The following ZNF248 variants were observed in gnomAD, a reference collection of about 807,000 sequenced individuals.
The protein encoded by ZNF248 is zinc finger protein 248, also known as KRAB protein domain.
Under a neutral mutation model 44.3 loss-of-function variants are expected in ZNF248, and 20 were observed. That is an observed-to-expected ratio of 0.45 (90% CI 0.32 to 0.66). The LOEUF is 0.66. ZNF248 is among the 30% of genes least tolerant of loss of function. ZNF248 has a pLI of 0.04. For synonymous variants in ZNF248, 224 were observed against 229.0 expected, an observed-to-expected ratio of 0.98 and a Z score of 0.20; for missense variants, 654 against 677.0, an observed-to-expected ratio of 0.97 and a Z score of 0.38.
intron 6 of ZNF248, among the ~76,000 whole-genome samples, chr10:37,777,287 C>T (rs536100442): frequency 6.6e-6 from 1 of 152,306 alleles, no homozygotes; most frequent in South Asian, 2.1e-4. Context: ...ACTTCACCAG[C>T]GTTGCAACTC....
At chr10:37,819,816 G>A (rs2053160596) in intron 6 of ZNF248, 1 of 787,304 alleles carries the variant, frequency 1.3e-6, no homozygotes, top group Non-Finnish European at 2.3e-6. Flanking sequence ...ATGGCAGGAG[G>A]TTTCCGCTTT....
At chr10:37,769,452 G>A in the ZNF248 span, among the ~76,000 whole-genome samples, 1 of 152,198 alleles carries the variant, frequency 6.6e-6, no homozygotes, top group African/African-American at 2.4e-5. Flanking sequence ...TCCCTGGAAT[G>A]CAAGGCTGGT....
At chr10:37,788,695 C>A (rs1219119958) in intron 6 of ZNF248, among the ~76,000 whole-genome samples, 1 of 152,062 alleles carries the variant, frequency 6.6e-6, no homozygotes, top group Admixed American at 6.6e-5. Context: ...ATTAAACATA[C>A]AATAAGATAC....
At chr10:37,838,874 T>G (rs2057766354) in intron 3 of ZNF248, among the ~76,000 whole-genome samples, 1 of 151,620 alleles carries the variant, frequency 6.6e-6, no homozygotes, top group South Asian at 2.1e-4. Flanking sequence ...AATGAGAAAA[T>G]GAGGGAAGTT....
At chr10:37,837,176 C>T (rs1055794189) in intron 5 of ZNF248, among the ~76,000 whole-genome samples, 1 of 151,798 alleles carries the variant, frequency 6.6e-6, no homozygotes, top group African/African-American at 2.4e-5. Context: ...TACAGTGGCA[C>T]AATCTCGGCT....
At chr10:37,764,799 A>G in the ZNF248 span, among the ~76,000 whole-genome samples, 1 of 152,212 alleles carries the variant, frequency 6.6e-6, no homozygotes, top group Non-Finnish European at 1.5e-5. Context: ...GATGTTTACT[A>G]TATTCTCTAT....
chr10:37,778,450 G>A (rs1337534022), intron 6 of ZNF248, among the ~76,000 whole-genome samples: 4 of 151,828 alleles, frequency 2.6e-5, no homozygotes, highest in Admixed American at 6.6e-5. Context: ...TTTGTCAGAT[G>A]AGTAGGTTGC....
Position 37,832,736 on chromosome 10 carries a change from G to C in ZNF248, c.619C>G (p.Gln207Glu). The C allele has an allele frequency of 6.2e-7, 1 of 1,613,622 alleles. No individual in the cohort carries two copies. The highest frequency in any genetic ancestry group is 1.1e-5 in the South Asian group (1 of 91,062). ...TCAAAAGATTGGCCAAAACTTGGCTGACTGAGATCCTGGTGATAATTAATG... is the reference window on the plus strand; with the variant it reads ...TCAAAAGATTGGCCAAAACTTGGCTCACTGAGATCCTGGTGATAATTAATG... ...NAINYHQDLS[Q>E]PSFGQSFEYS... is the part of the protein sequence containing the mutation. The change falls in exon 6 of 6, where the codon CAG (glutamine) becomes GAG (glutamate). Residue 207 changes from glutamine to glutamate, a missense_variant. Physicochemically the swap from Gln to Glu is conservative, Grantham distance 29. Coordinates refer to ENST00000395867, the MANE Select transcript of ZNF248 (RefSeq NM_021045.3).
chr10:37,852,339 A>T (rs1779036), intron 3 of ZNF248, among the ~76,000 whole-genome samples: 9,098 of 152,200 alleles, frequency 0.06, 348 homozygotes, highest in Middle Eastern at 0.095. Context: ...CCCGGATGAA[A>T]CACCAGGGAA....
chr10:37,768,377 C>G, the ZNF248 span, among the ~76,000 whole-genome samples: 1 of 151,896 alleles, frequency 6.6e-6, no homozygotes, highest in East Asian at 1.9e-4. Context: ...GGAAGTAAAG[C>G]TCTCCTCAGC....
At chr10:37,850,579 T>G (rs566895545) in intron 3 of ZNF248, among the ~76,000 whole-genome samples, 19 of 152,314 alleles carry the variant, frequency 1.2e-4, no homozygotes, top group African/African-American at 4.3e-4. Context: ...TAGCGTGGTA[T>G]TAGCAGAGGC....
chr10:37,767,742 A>G, the ZNF248 span, among the ~76,000 whole-genome samples: 1 of 152,232 alleles, frequency 6.6e-6, no homozygotes, highest in Non-Finnish European at 1.5e-5. Flanking sequence ...ACCAGCTAAC[A>G]TCATAATGAC....
chr10:37,776,662 G>T, intron 6 of ZNF248: 1 of 391,866 alleles, frequency 2.6e-6, no homozygotes, highest in South Asian at 1.4e-4. Flanking sequence ...TGAAGGCACT[G>T]ACTATGCTGA....
the ZNF248 span, among the ~76,000 whole-genome samples, chr10:37,766,115 C>T: frequency 3.3e-5 from 5 of 152,258 alleles, no homozygotes; most frequent in Non-Finnish European, 5.9e-5. Context: ...CCAGGAAGCT[C>T]GAACTGGGTG....
chr10:37,805,634 AT>A (rs1349606506), intron 6 of ZNF248, among the ~76,000 whole-genome samples: 1 of 152,014 alleles, frequency 6.6e-6, no homozygotes, highest in Non-Finnish European at 1.5e-5. Context: ...ACTCTCCAAA[AT>A]TTTTCATCAT....
intron 6 of ZNF248, among the ~76,000 whole-genome samples, chr10:37,799,352 A>G (rs1207061363): frequency 6.6e-6 from 1 of 152,212 alleles, no homozygotes; most frequent in East Asian, 1.9e-4. Flanking sequence ...CAAGGTCAAG[A>G]GATCGAGACC....
chr10:37,825,796 G>A (rs1055735830), downstream of ZNF248, among the ~76,000 whole-genome samples: 9 of 151,332 alleles, frequency 5.9e-5, no homozygotes, highest in East Asian at 7.9e-4. Context: ...CCTGGAGTCA[G>A]TTTCATTAGA....
intron 6 of ZNF248, among the ~76,000 whole-genome samples, chr10:37,779,118 T>G (rs1181651500): frequency 6.6e-6 from 1 of 151,428 alleles, no homozygotes; most frequent in Non-Finnish European, 1.5e-5. Flanking sequence ...CTTCTGAAAC[T>G]ATTCCAATCA....
downstream of ZNF248, among the ~76,000 whole-genome samples, chr10:37,771,829 A>G (rs925628792): frequency 1.3e-5 from 2 of 152,146 alleles, no homozygotes; most frequent in Non-Finnish European, 2.9e-5. Context: ...TCAATGACTA[A>G]TCATGTCATT....
Sources: gnomAD v4.1 joint callset for allele counts (sites outside exome capture counted in the v4.1 genomes callset) on GRCh38, gnomAD v4.1.1 for gene constraint, MANE v1.5 for transcripts, NCBI Gene and HGNC (gene_info 2026-07-23, HGNC 2026-07-21) for gene names.